The following FSTL5 variants were observed in gnomAD, a reference collection of about 807,000 sequenced individuals.
The protein encoded by FSTL5 is follistatin like 5.
Under a neutral mutation model 89.1 loss-of-function variants are expected in FSTL5, and 62 were observed. The observed-to-expected ratio is 0.70, with a 90% CI of 0.57 to 0.86. The LOEUF is 0.86. Ranked by LOEUF, FSTL5 falls within the 40% of genes least tolerant of loss-of-function variation. The probability of loss-of-function intolerance (pLI) is 0.00; values close to 1 mark genes in which losing one functional copy is unlikely to be tolerated. For synonymous variants in FSTL5, 383 were observed against 346.2 expected, an observed-to-expected ratio of 1.11 and a Z score of -1.18; for missense variants, 1,057 against 1,001.6, an observed-to-expected ratio of 1.06 and a Z score of -0.75.
intron 10 of FSTL5, among the ~76,000 whole-genome samples, chr4:161,527,846 GTA>G (rs1731279630): frequency 6.6e-6 from 1 of 151,092 alleles, no homozygotes; most frequent in African/African-American, 2.5e-5. Flanking sequence ...ACATGCACAC[GTA>G]TGTTTGTTGC....
At position 161,472,730 on chromosome 4, in the gene FSTL5, CTT is replaced by C. The variant is rs70937653; in HGVS notation, c.1608+8288_1608+8289del. Among the ~76,000 whole-genome samples the C allele has an allele frequency of 7.7e-3, 1,083 of 139,998 alleles. 12 individuals carry two copies. The highest frequency in any genetic ancestry group is 0.024 in the African/African-American group (904 of 37,270). The allele number at this position is 139,998 out of a possible 152,430, so 91.8% of individuals were successfully genotyped here. ...ATAAGACAATTTTTATTATATGTAA[CTT>C]TTTTTTTTTTTTTGAGACGGAGTCT... On this transcript the variant is annotated intron_variant, in intron 13 of 15. Transcript: ENST00000306100.
chr4:161,551,567 G>A (rs1265605331), intron 8 of FSTL5, among the ~76,000 whole-genome samples: 4 of 151,764 alleles, frequency 2.6e-5, no homozygotes, highest in African/African-American at 9.7e-5. Flanking sequence ...GAGGCATCAT[G>A]ATACCTGACT....
chr4:161,769,367 G>GA (rs1250345129), intron 5 of FSTL5, among the ~76,000 whole-genome samples: 1 of 151,780 alleles, frequency 6.6e-6, no homozygotes, highest in Non-Finnish European at 1.5e-5. Context: ...TCCAAAACCA[G>GA]AAAAAGGTAT....
chr4:161,612,855 T>C (rs1734698478), intron 7 of FSTL5, among the ~76,000 whole-genome samples: 1 of 152,032 alleles, frequency 6.6e-6, no homozygotes, highest in African/African-American at 2.4e-5. Flanking sequence ...TGGTATCAAT[T>C]ATGTTACAAG....
chr4:161,810,340 T>G (rs1487135520), intron 4 of FSTL5, among the ~76,000 whole-genome samples: 1 of 152,100 alleles, frequency 6.6e-6, no homozygotes, highest in Non-Finnish European at 1.5e-5. Context: ...ATTTCAAGTT[T>G]TAAGGTCAGT....
At chr4:161,903,210 T>C (rs1733421595) in intron 4 of FSTL5, among the ~76,000 whole-genome samples, 1 of 152,122 alleles carries the variant, frequency 6.6e-6, no homozygotes, top group African/African-American at 2.4e-5. Flanking sequence ...ATCAGTCTCC[T>C]TATGTTATGT....
intron 3 of FSTL5, among the ~76,000 whole-genome samples, chr4:162,005,459 T>G (rs2111117100): frequency 6.6e-6 from 1 of 152,180 alleles, no homozygotes; most frequent in Middle Eastern, 3.4e-3. Context: ...GAATAGATGG[T>G]GGTAAAGAAA....
intron 10 of FSTL5, among the ~76,000 whole-genome samples, chr4:161,511,930 G>T (rs144654642): frequency 6.6e-6 from 1 of 152,148 alleles, no homozygotes; most frequent in Admixed American, 6.6e-5. Flanking sequence ...GTGCTGTGCG[G>T]TGTAGGGGGC....
intron 7 of FSTL5, among the ~76,000 whole-genome samples, chr4:161,601,786 G>C (rs1049385955): frequency 6.6e-6 from 1 of 151,996 alleles, no homozygotes; most frequent in African/African-American, 2.4e-5. Context: ...AATCATAGTG[G>C]CTAACAAAAC....
chr4:161,426,805 T>G (rs778493000), intron 15 of FSTL5, among the ~76,000 whole-genome samples: 6 of 152,242 alleles, frequency 3.9e-5, no homozygotes, highest in Non-Finnish European at 7.3e-5. Context: ...AATATTTATT[T>G]GTTTACCTAA....
rs150118982 is a variant in FSTL5 at position 161,766,736 on chromosome 4, A to C, written c.607-7205T>G. Among the ~76,000 whole-genome samples the C allele has an allele frequency of 3.4e-4, 52 of 152,334 alleles. No homozygotes were observed. The East Asian group carries it at 6.6e-3, about 19-fold the overall frequency. ...ATTTAATCAGAGGCTAATTTTTCTC[A>C]TATCTGTTGTACTTCAGTGTAAGAA... On this transcript the variant is annotated intron_variant, in intron 5 of 15. Coordinates refer to ENST00000306100, the MANE Select transcript of FSTL5 (RefSeq NM_020116.5).
At position 161,398,990 on chromosome 4, in the gene FSTL5, G is replaced by A. The variant is rs569999186; in HGVS notation, c.1842-12541C>T. The stretch of plus-strand genomic sequence containing the variant: ...AGCCACTTGGTGCAATAGAATACAC[G>A]TTAAAAAATGTTTATAAAACACTAA... On this transcript the variant is annotated intron_variant, in intron 15 of 15. Coordinates refer to ENST00000306100, the MANE Select transcript of FSTL5 (RefSeq NM_020116.5). Among the ~76,000 whole-genome samples the A allele has an allele frequency of 1.1e-3, 173 of 152,028 alleles. 1 individual carries two copies. In the South Asian group the frequency reaches 0.017, roughly 15 times the overall value.
rs575160856 is a variant in FSTL5, at chr4:161,835,452, T to C, written c.410-59378A>G. ...GGCAACAAAAGCCAAAATTGACAAA[T>C]GGGATCTAATTAAACTAAAGAGCTT... On this transcript the variant is annotated intron_variant, in intron 4 of 15. Transcript: ENST00000306100. 5.9e-5 allele frequency among the ~76,000 whole-genome samples: 9 copies of C among 151,886 alleles called. No homozygotes were observed. The South Asian group carries it at 8.3e-4, about 14-fold the overall frequency.
Position 161,836,460 on chromosome 4 carries a change from T to TA in FSTL5, c.410-60387dup, listed in dbSNP as rs1224668603. 9.8e-3 allele frequency among the ~76,000 whole-genome samples: 1,157 copies of TA among 117,708 alleles called. 15 individuals are homozygous for TA. Among genetic ancestry groups the TA allele is most frequent in the African/African-American group, 0.031 (986 of 31,778 alleles). The allele number at this position is 117,708 out of a possible 152,430, so 77.2% of individuals were successfully genotyped here. ...CCTAAAACTTAAAGTATAACAATAA[T>TA]AAAAAAAAAAAGAAAAGAAAAGAAA... On this transcript the variant is annotated intron_variant, in intron 4 of 15. Coordinates refer to ENST00000306100, the MANE Select transcript of FSTL5 (RefSeq NM_020116.5).
chr4:161,616,415 T>G (rs923231910), intron 7 of FSTL5, among the ~76,000 whole-genome samples: 1 of 152,166 alleles, frequency 6.6e-6, no homozygotes, highest in Non-Finnish European at 1.5e-5. Context: ...TCATTTTGGA[T>G]GCTTCCTGCC....
chr4:162,094,513 T>C (rs1409467785), intron 2 of FSTL5, among the ~76,000 whole-genome samples: 6 of 152,138 alleles, frequency 3.9e-5, no homozygotes, highest in Non-Finnish European at 7.4e-5. Flanking sequence ...ATGAATTTTG[T>C]ATAATGGGCC....
rs1041214793 is a variant in FSTL5 at position 161,570,928 on chromosome 4, A to G, written c.1015+16527T>C. On this transcript the variant is annotated intron_variant, in intron 8 of 15. Coordinates refer to ENST00000306100, the MANE Select transcript of FSTL5 (RefSeq NM_020116.5). ...CAAGAGATCGAGACCATCCTGGCCA[A>G]CATGGTGAAACCCCGTCTCTACTAA... Among the ~76,000 whole-genome samples, 3 of 152,112 alleles carry G rather than the reference A, an allele frequency of 2.0e-5. No individual in the cohort carries two copies. The East Asian group carries it at 5.8e-4, about 29-fold the overall frequency.
At chr4:161,386,491 G>C (rs745882008) in intron 15 of FSTL5, 42 bp from the exon 16 acceptor site, 3 of 1,406,354 alleles carry the variant, frequency 2.1e-6, no homozygotes, top group East Asian at 4.7e-5. Flanking sequence ...AAGCAATGGA[G>C]TTTTTAGCCG....
intron 10 of FSTL5, among the ~76,000 whole-genome samples, chr4:161,535,393 T>C (rs1021546843): frequency 6.6e-6 from 1 of 151,944 alleles, no homozygotes; most frequent in African/African-American, 2.4e-5. Context: ...AAAAATCAAA[T>C]AATCCAATTT....
Sources: allele counts gnomAD v4.1 joint callset (sites outside exome capture counted in the v4.1 genomes callset), GRCh38; gene constraint gnomAD v4.1.1; transcripts MANE v1.5; gene names NCBI Gene and HGNC (gene_info 2026-07-23, HGNC 2026-07-21).